Variants in CHST9 observed in about 807,000 individuals in gnomAD.
The protein encoded by CHST9 is carbohydrate sulfotransferase 9.
In CHST9, 41 loss-of-function variants were observed where a neutral mutation model predicts 44.4. The ratio of observed to expected loss-of-function variants is 0.92; its 90% CI spans 0.72 to 1.20. The LOEUF is 1.20. CHST9 is among the 50% of genes most tolerant of loss of function. The pLI, the probability that CHST9 is intolerant of heterozygous loss-of-function variation, is 0.00. For synonymous variants in CHST9, 171 were observed against 178.4 expected (o/e 0.96, Z 0.33); for missense variants, 504 against 516.5 (o/e 0.98, Z 0.23).
chr18:26,967,237 A>G (rs1162562700), intron 4 of CHST9, among the ~76,000 whole-genome samples: 5 of 152,322 alleles, frequency 3.3e-5, no homozygotes, highest in East Asian at 1.9e-4. Context: ...TGTATATGCA[A>G]TGAAAGCTTT....
At chr18:27,182,072 A>G (rs1279020387) in intron 1 of CHST9, among the ~76,000 whole-genome samples, 1 of 152,226 alleles carries the variant, frequency 6.6e-6, no homozygotes, top group East Asian at 1.9e-4. Context: ...TTCCAAAGAC[A>G]AACACAAATG....
intron 4 of CHST9, among the ~76,000 whole-genome samples, chr18:26,978,285 A>ATG (rs35717712): frequency 0.35 from 52,375 of 150,236 alleles, 9,543 homozygotes; most frequent in East Asian, 0.47. Context: ...GAGTGTGTGT[A>ATG]TGTGTGTGTG....
At chr18:27,046,584 C>T (rs2143552286) in intron 3 of CHST9, among the ~76,000 whole-genome samples, 1 of 151,900 alleles carries the variant, frequency 6.6e-6, no homozygotes, top group South Asian at 2.1e-4. Context: ...ATAGGAGTTC[C>T]CATGATGTTT....
At chr18:27,178,811 T>C (rs1329548340) in intron 1 of CHST9, among the ~76,000 whole-genome samples, 1 of 152,020 alleles carries the variant, frequency 6.6e-6, no homozygotes, top group Non-Finnish European at 1.5e-5. Flanking sequence ...AAAATTCTAA[T>C]ACAGCAGTTT....
intron 4 of CHST9, among the ~76,000 whole-genome samples, chr18:26,972,357 C>CAAAAAAAAAA (rs887066938): frequency 1.5e-5 from 1 of 65,244 alleles, no homozygotes; most frequent in African/African-American, 5.5e-5. Context: ...ACTCCAACTC[C>CAAAAAAAAAA]AAAAAAAAAA....
chr18:27,001,971 A>ATT (rs2056958768), intron 4 of CHST9, among the ~76,000 whole-genome samples: 1 of 152,138 alleles, frequency 6.6e-6, no homozygotes, highest in African/African-American at 2.4e-5. Context: ...TATACAGAAC[A>ATT]TTTTGTGAAT....
intron 4 of CHST9, among the ~76,000 whole-genome samples, chr18:26,956,539 G>C (rs1022388512): frequency 6.6e-6 from 1 of 150,800 alleles, no homozygotes; most frequent in Non-Finnish European, 1.5e-5. Flanking sequence ...GGTCCTAGTG[G>C]TTATGATTCT....
intron 4 of CHST9, among the ~76,000 whole-genome samples, chr18:27,014,296 T>C (rs1265348317): frequency 6.6e-6 from 1 of 151,540 alleles, no homozygotes; most frequent in African/African-American, 2.4e-5. Context: ...TCAGGAGGTA[T>C]GAAAAAATAT....
chr18:26,938,135 C>T (rs541767652), intron 5 of CHST9, among the ~76,000 whole-genome samples: 1 of 152,238 alleles, frequency 6.6e-6, no homozygotes, highest in East Asian at 1.9e-4. Context: ...GCCATATTCT[C>T]AGCTTTGCTT....
At chr18:26,986,157 A>T (rs1002783155) in intron 4 of CHST9, among the ~76,000 whole-genome samples, 15 of 152,226 alleles carry the variant, frequency 9.9e-5, no homozygotes, top group African/African-American at 3.1e-4. Context: ...TAACTTAAAC[A>T]GAAATTACTC....
At chr18:27,000,419 C>T (rs2056935002) in intron 4 of CHST9, among the ~76,000 whole-genome samples, 1 of 152,174 alleles carries the variant, frequency 6.6e-6, no homozygotes, top group Admixed American at 6.5e-5. Context: ...AAATTTTAGT[C>T]CAGGTATGCC....
chr18:26,975,242 G>A (rs1211639529), intron 4 of CHST9, among the ~76,000 whole-genome samples: 2 of 152,114 alleles, frequency 1.3e-5, no homozygotes, highest in Non-Finnish European at 2.9e-5. Flanking sequence ...AAGAGACATA[G>A]GGAACAGGAA....
At chr18:27,117,879 T>C (rs1442775283) in intron 2 of CHST9, among the ~76,000 whole-genome samples, 3 of 152,242 alleles carry the variant, frequency 2.0e-5, no homozygotes, top group Admixed American at 6.5e-5. Flanking sequence ...TTTGCATAGA[T>C]ACAAGTTTTC....
At chr18:27,068,518 T>C (rs1371260592) in intron 2 of CHST9, among the ~76,000 whole-genome samples, 1 of 152,202 alleles carries the variant, frequency 6.6e-6, no homozygotes, top group Non-Finnish European at 1.5e-5. Context: ...TAACTCTTTG[T>C]GTACGTTACA....
intron 2 of CHST9, among the ~76,000 whole-genome samples, chr18:27,139,684 T>G (rs935856531): frequency 3.6e-4 from 55 of 152,150 alleles, no homozygotes; most frequent in African/African-American, 1.3e-3. Context: ...CTTTTTGTCA[T>G]GAGTAGTTTA....
chr18:26,964,144 TTCTAATGC>T (rs2056435094), intron 4 of CHST9, among the ~76,000 whole-genome samples: 1 of 152,184 alleles, frequency 6.6e-6, no homozygotes, highest in African/African-American at 2.4e-5. Flanking sequence ...TTTATTAACG[TTCTAATGC>T]TTTATAAAAA....
At chr18:27,048,986 A>G (rs983522939) in intron 2 of CHST9, among the ~76,000 whole-genome samples, 5 of 152,180 alleles carry the variant, frequency 3.3e-5, no homozygotes, top group African/African-American at 1.2e-4. Flanking sequence ...AGAAAGTGGT[A>G]TTTGATTTTG....
chr18:27,136,284 C>G (rs888990917), intron 2 of CHST9, among the ~76,000 whole-genome samples: 1 of 152,080 alleles, frequency 6.6e-6, no homozygotes, highest in Admixed American at 6.6e-5. Flanking sequence ...TCACAGGAAC[C>G]CAGGAAAGGT....
chr18:27,074,556 A>T (rs915529394), intron 2 of CHST9, among the ~76,000 whole-genome samples: 2 of 152,102 alleles, frequency 1.3e-5, no homozygotes, highest in Non-Finnish European at 2.9e-5. Flanking sequence ...GGAAATGAGG[A>T]TGACAAAGCA....
Sources: gnomAD v4.1 joint callset for allele counts (sites outside exome capture counted in the v4.1 genomes callset) on GRCh38, gnomAD v4.1.1 for gene constraint, MANE v1.5 for transcripts, NCBI Gene and HGNC (gene_info 2026-07-23, HGNC 2026-07-21) for gene names.